ADAMTSL3: variants seen among roughly 807,000 people sequenced by gnomAD.
The protein encoded by ADAMTSL3 is ADAMTS like 3.
A neutral mutation model predicts 201.7 loss-of-function variants in ADAMTSL3; 128 were observed. The observed-to-expected ratio is 0.63, with a 90% CI of 0.55 to 0.73. ADAMTSL3 has a LOEUF of 0.73. ADAMTSL3 is among the 30% of genes least tolerant of loss of function. ADAMTSL3 has a pLI of 0.00. For missense variants in ADAMTSL3, 1,990 were observed against 2,119.6 expected, an observed-to-expected ratio of 0.94 and a Z score of 1.20; for synonymous variants, 738 against 748.4, an observed-to-expected ratio of 0.99 and a Z score of 0.23.
intron 3 of ADAMTSL3, among the ~76,000 whole-genome samples, chr15:83,756,229 T>A (rs2062717584): frequency 6.6e-6 from 1 of 150,744 alleles, no homozygotes; most frequent in Non-Finnish European, 1.5e-5. Flanking sequence ...ATCCTCACTG[T>A]ATTAGTCTGT....
intron 9 of ADAMTSL3, among the ~76,000 whole-genome samples, chr15:83,879,479 A>G (rs892660315): frequency 2.0e-4 from 31 of 152,234 alleles, no homozygotes; most frequent in African/African-American, 6.7e-4. Context: ...TTACTTTGTA[A>G]GTTTCATAAT....
chr15:83,801,808 A>G (rs2063529639), intron 4 of ADAMTSL3, among the ~76,000 whole-genome samples: 1 of 149,886 alleles, frequency 6.7e-6, no homozygotes, highest in African/African-American at 2.4e-5. Flanking sequence ...AATCAAAATC[A>G]TAATCTGAAA....
At position 83,874,152 on chromosome 15, in the gene ADAMTSL3, T is replaced by C. The variant is rs185379634; in HGVS notation, c.960+3193T>C. 2.8e-5 allele frequency among the ~76,000 whole-genome samples: 4 copies of C among 141,980 alleles called. 1 individual carries two copies. The East Asian group carries it at 9.2e-4, about 33-fold the overall frequency. 93.1% of individuals were successfully genotyped at this position (141,980 alleles called of 152,430 possible). A position where few individuals can be genotyped will look rare whatever the true frequency, so the allele number is the denominator to read the frequency against. ...CAGGATGTGGAAAGCCTTCTCCCTC[T>C]CCTGGCGCCAGGACAAAGGAAGCGG... On this transcript the variant is annotated intron_variant, in intron 9 of 29. Coordinates refer to ENST00000286744, the MANE Select transcript of ADAMTSL3 (RefSeq NM_207517.3).
intron 5 of ADAMTSL3, among the ~76,000 whole-genome samples, chr15:83,819,263 C>CAAAAA (rs397932701): frequency 1.7e-4 from 13 of 76,490 alleles, no homozygotes; most frequent in African/African-American, 7.6e-4. Context: ...CACTCCGTCT[C>CAAAAA]AAAAAAAAAA....
intron 5 of ADAMTSL3, among the ~76,000 whole-genome samples, chr15:83,811,126 C>A (rs1186153999): frequency 6.6e-6 from 1 of 152,148 alleles, no homozygotes; most frequent in Non-Finnish European, 1.5e-5. Flanking sequence ...TTCTCCGTCT[C>A]GAGGTCTCTA....
intron 15 of ADAMTSL3, among the ~76,000 whole-genome samples, chr15:83,911,001 A>G (rs2065922290): frequency 6.6e-6 from 1 of 152,198 alleles, no homozygotes; most frequent in Non-Finnish European, 1.5e-5. Flanking sequence ...ACAGAAGTCC[A>G]ATTTGAATGA....
At chr15:83,976,854 G>T (rs548615808) in intron 20 of ADAMTSL3, among the ~76,000 whole-genome samples, 38 of 152,242 alleles carry the variant, frequency 2.5e-4, no homozygotes, top group Admixed American at 2.0e-3. Flanking sequence ...GGGGACCCAT[G>T]ATCTAGATGA....
chr15:83,822,120 CG>C (rs1385897874), intron 6 of ADAMTSL3, among the ~76,000 whole-genome samples: 3 of 145,302 alleles, frequency 2.1e-5, no homozygotes, highest in East Asian at 2.2e-4. Context: ...CCTGGCCGGG[CG>C]GGGGGCTGAC....
intron 15 of ADAMTSL3, among the ~76,000 whole-genome samples, chr15:83,903,940 A>AG (rs1567226095): frequency 2.3e-5 from 1 of 42,720 alleles, no homozygotes; most frequent in African/African-American, 1.4e-4. Flanking sequence ...AAAAAAAAAA[A>AG]AAAAGAAAAA....
intron 19 of ADAMTSL3, among the ~76,000 whole-genome samples, chr15:83,946,647 G>A (rs1273350292): frequency 6.6e-6 from 1 of 152,206 alleles, no homozygotes. Flanking sequence ...CCAAAGTGGT[G>A]TTGAAATAGT....
At position 84,038,630 on chromosome 15, in the gene ADAMTSL3, A is replaced by G. The variant is rs537233611; in HGVS notation, c.*824A>G. 1.3e-5 allele frequency: 2 copies of G among 152,782 alleles called. No individual in the cohort carries two copies. The highest frequency in any genetic ancestry group is 4.1e-4 in the South Asian group (2 of 4,828). 9.5% of individuals were successfully genotyped at this position (152,782 alleles called of 1,614,324 possible). A position where few individuals can be genotyped will look rare whatever the true frequency, so the allele number is the denominator to read the frequency against. On this transcript the variant is annotated 3_prime_UTR_variant, in exon 30 of 30. Transcript: ENST00000286744. ...AAACAGAAAACCAAAGCCTTATTAGACCTAATTTATGCATAAAGTAGTATT... is the reference window on the plus strand; with the variant it reads ...AAACAGAAAACCAAAGCCTTATTAGGCCTAATTTATGCATAAAGTAGTATT...
chr15:83,902,578 T>C (rs1398169972), intron 15 of ADAMTSL3, among the ~76,000 whole-genome samples: 1 of 152,192 alleles, frequency 6.6e-6, no homozygotes, highest in African/African-American at 2.4e-5. Context: ...CCAAGTCTAA[T>C]TCTTTCTTTG....
chr15:83,722,879 A>G, intron 3 of ADAMTSL3, among the ~76,000 whole-genome samples: 1 of 152,130 alleles, frequency 6.6e-6, no homozygotes, highest in East Asian at 1.9e-4. Flanking sequence ...TTGAAGAGTT[A>G]AATAAAAAAT....
At position 84,014,664 on chromosome 15, in the gene ADAMTSL3, G is replaced by A. The variant is rs149530914; in HGVS notation, c.4096G>A (p.Val1366Ile). The change falls in exon 24 of 30, where the codon GTC (valine) becomes ATC (isoleucine). Residue 1366 changes from valine (V) to isoleucine (I), a missense_variant. Transcript: ENST00000286744. ...TTCCCTTGAAAATGAAGGAACCTAC[G>A]TCTGCATAGCCACCAATGCTCTTGG... ...NVSLENEGTY[V>I]CIATNALGKA... The A allele has an allele frequency of 9.3e-6, 15 of 1,611,472 alleles. No homozygotes were observed. Among genetic ancestry groups the A allele is most frequent in the Middle Eastern group, 1.7e-4 (1 of 6,056 alleles).
Position 83,970,657 on chromosome 15 carries a change from G to C in ADAMTSL3, c.2644+20G>C, listed in dbSNP as rs755112219. On this transcript the variant is annotated intron_variant, in intron 20 of 29. Coordinates refer to ENST00000286744, the MANE Select transcript of ADAMTSL3 (RefSeq NM_207517.3). ...GCAGTAGTAAGTATGCGGTGTCCGC[G>C]CTTCACCAAGATATGCTGATTCTGT... The C allele has an allele frequency of 1.2e-6, 2 of 1,612,310 alleles. No homozygotes were observed. Among genetic ancestry groups the C allele is most frequent in the South Asian group, 2.2e-5 (2 of 90,880 alleles).
At chr15:84,015,730 T>C (rs2068077601) in intron 24 of ADAMTSL3, among the ~76,000 whole-genome samples, 1 of 152,316 alleles carries the variant, frequency 6.6e-6, no homozygotes, top group Non-Finnish European at 1.5e-5. Context: ...ACAGATTGGC[T>C]AGGCTAACCC....
chr15:83,924,972 T>G (rs2066221659), intron 17 of ADAMTSL3, among the ~76,000 whole-genome samples: 1 of 152,076 alleles, frequency 6.6e-6, no homozygotes. Flanking sequence ...TTGAGGGAGG[T>G]TATTGTGTCC....
rs115212431 is a variant in ADAMTSL3 at position 83,705,605 on chromosome 15, C to G, written c.189+1097C>G. 8.0e-3 allele frequency among the ~76,000 whole-genome samples: 1,224 copies of G among 152,128 alleles called. 15 individuals carry two copies. The highest frequency in any genetic ancestry group is 0.028 in the African/African-American group (1,149 of 41,508). On this transcript the variant is annotated intron_variant, in intron 3 of 29. Transcript: ENST00000286744. ...GGTGGGCTGGGAGAAGGATGAAAGTCTTGCAGAGCATCAGTGGCTGATGCA... is the reference window on the plus strand; with the variant it reads ...GGTGGGCTGGGAGAAGGATGAAAGTGTTGCAGAGCATCAGTGGCTGATGCA...
intron 9 of ADAMTSL3, among the ~76,000 whole-genome samples, chr15:83,883,698 AC>A (rs1341620949): frequency 6.6e-6 from 1 of 151,638 alleles, no homozygotes; most frequent in Non-Finnish European, 1.5e-5. Context: ...TATAGCTGGG[AC>A]TACAGGTGCA....
Sources: allele counts gnomAD v4.1 joint callset (sites outside exome capture counted in the v4.1 genomes callset), GRCh38; gene constraint gnomAD v4.1.1; transcripts MANE v1.5; gene names NCBI Gene and HGNC (gene_info 2026-07-23, HGNC 2026-07-21).